The following IPO5 variants were observed in gnomAD, a reference collection of about 807,000 sequenced individuals.
The protein encoded by IPO5 is importin 5.
In IPO5, 18 loss-of-function variants were observed where a neutral mutation model predicts 143.3. That is an observed-to-expected ratio of 0.13 (90% CI 0.09 to 0.19). The LOEUF (loss-of-function observed/expected upper bound fraction) is 0.19. IPO5 is among the 10% of genes least tolerant of loss of function. The pLI is 1.00. For synonymous variants in IPO5, 477 were observed against 465.7 expected (o/e 1.02, Z -0.31); for missense variants, 1,013 against 1,336.9 (o/e 0.76, Z 3.78).
At chr13:97,966,738 C>T (rs1336775807) in intron 2 of IPO5, among the ~76,000 whole-genome samples, 1 of 152,044 alleles carries the variant, frequency 6.6e-6, no homozygotes, top group Admixed American at 6.6e-5. Flanking sequence ...TTCTTTGTGA[C>T]TTTTAAAATT....
At position 98,018,578 on chromosome 13, in the gene IPO5, G is replaced by A; in HGVS notation, c.2710G>A (p.Glu904Lys). ...TAGTCCAGCCTCATTTAAATACGCA[G>A]AATATTTCTTAAGACCAATGCTCCA... ...HCSPASFKYA[E>K]YFLRPMLQYV... Residue 904 changes from glutamate (E) to lysine (K), a missense_variant, in exon 26 of 29, where the codon GAA becomes AAA. Physicochemically the swap from Glu to Lys is moderately conservative, Grantham distance 56. Around this residue, in one of 2 missense-constraint regions of IPO5, gnomAD observed 685 missense variants for 994.9 expected, o/e 0.69. Transcript: ENST00000651721. 1 of 1,614,070 alleles carries A rather than the reference G, an allele frequency of 6.2e-7. No homozygotes were observed. The highest frequency in any genetic ancestry group is 2.2e-5 in the East Asian group (1 of 44,882).
At chr13:97,969,213 G>C (rs1196644633) in intron 2 of IPO5, among the ~76,000 whole-genome samples, 14 of 98,882 alleles carry the variant, frequency 1.4e-4, no homozygotes, top group Non-Finnish European at 3.6e-5. Context: ...ACGTAGTCTC[G>C]CTCTGTCACC....
chr13:98,010,532 T>G (rs1328168833), intron 20 of IPO5, among the ~76,000 whole-genome samples: 1 of 152,056 alleles, frequency 6.6e-6, no homozygotes, highest in Non-Finnish European at 1.5e-5. Flanking sequence ...TTTTTGTTGG[T>G]TTTGTTCTTA....
At chr13:97,965,041 G>A (rs1885207282) in intron 2 of IPO5, among the ~76,000 whole-genome samples, 2 of 152,074 alleles carry the variant, frequency 1.3e-5, no homozygotes, top group African/African-American at 4.8e-5. Context: ...TCCTTTGCAG[G>A]GACATGGATG....
intron 3 of IPO5, among the ~76,000 whole-genome samples, chr13:97,972,692 G>T (rs1594033845): frequency 6.6e-6 from 1 of 152,090 alleles, no homozygotes; most frequent in South Asian, 2.1e-4. Context: ...TTTTGTTTTT[G>T]TTTTTTTATT....
intron 22 of IPO5, among the ~76,000 whole-genome samples, chr13:98,015,196 G>C (rs1304719953): frequency 1.3e-5 from 2 of 151,370 alleles, no homozygotes; most frequent in East Asian, 3.9e-4. Flanking sequence ...CTTGTATGTT[G>C]TGTGTACGGA....
chr13:97,994,899 G>A (rs1270272834), intron 11 of IPO5, among the ~76,000 whole-genome samples: 1 of 152,140 alleles, frequency 6.6e-6, no homozygotes, highest in Admixed American at 6.5e-5. Flanking sequence ...GCCAAGGTGG[G>A]TAAATTATGT....
At chr13:98,007,214 C>T (rs1165566627) in intron 17 of IPO5, 3 of 152,264 alleles carry the variant, frequency 2.0e-5, no homozygotes, top group South Asian at 2.1e-4. Context: ...CCTCCTTTCC[C>T]CACCACACAC....
intron 5 of IPO5, 67 bp downstream of exon 5, chr13:97,982,650 G>A: frequency 2.0e-6 from 2 of 991,150 alleles, no homozygotes; most frequent in Non-Finnish European, 3.1e-6. Flanking sequence ...GATCATAGTA[G>A]AAATTAGAGA....
rs769611314 is a variant in IPO5, at chr13:98,021,759, G to A, written c.3231G>A (p.Glu1077=). The A allele has an allele frequency of 1.3e-6, 2 of 1,579,508 alleles. No homozygotes were observed. Among genetic ancestry groups the A allele is most frequent in the Non-Finnish European group, 1.7e-6 (2 of 1,154,552 alleles). The part of the protein sequence containing the change: ...QVQTSGGLWT[E]CIAQLSPEQQ... The stretch of plus-strand genomic sequence containing the variant: ...AGACTTCTGGAGGACTGTGGACTGA[G>A]TGCATAGCACAGCTCAGTCCTGAGC... Residue 1077 remains glutamate (E), a synonymous_variant, in exon 29 of 29, where the codon GAG becomes GAA. Transcript: ENST00000651721.
At position 98,006,356 on chromosome 13, in the gene IPO5, ATTTTTTTTTTTTTTT is replaced by A. The variant is rs568589408; in HGVS notation, c.1716+30_1716+44del. ...GCTGTTGGGAAGGAAAAAGTAAGTA[ATTTTTTTTTTTTTTT>A]TTTTTTTTTTTTTTTTTTTTTGAGA... On this transcript the variant is annotated intron_variant, in intron 17 of 28. Coordinates refer to ENST00000651721, the MANE Select transcript of IPO5 (RefSeq NM_002271.6). 8.5e-3 allele frequency: 4,724 copies of A among 555,936 alleles called. 75 individuals are homozygous for A. The highest frequency in any genetic ancestry group is 0.051 in the East Asian group (1,069 of 21,158). 34.4% of individuals were successfully genotyped at this position (555,936 alleles called of 1,614,324 possible). A position where few individuals can be genotyped will look rare whatever the true frequency, so the allele number is the denominator to read the frequency against.
chr13:97,990,265 C>A, intron 8 of IPO5, 43 bp downstream of exon 8: 3 of 1,404,450 alleles, frequency 2.1e-6, no homozygotes, highest in South Asian at 2.4e-5. Context: ...CTATTTTAAT[C>A]TAATTTGCGA....
chr13:98,015,699 T>C (rs748295683), intron 23 of IPO5, 27 bp from the exon 24 acceptor site: 6 of 1,600,798 alleles, frequency 3.7e-6, no homozygotes, highest in Non-Finnish European at 4.3e-6. Flanking sequence ...GGCAATCATT[T>C]AAAACATTTA....
rs1159992221 is a variant in IPO5, at chr13:98,002,774, G to GT, written c.1323+2dup. ...TTTCCAAAAGAAATTTCATGAGAAG[G>GT]TAAGTAACAAGTCCTCAAACACTTA... On this transcript the variant is annotated splice_donor_variant, in intron 15 of 28. Coordinates refer to ENST00000651721, the MANE Select transcript of IPO5 (RefSeq NM_002271.6). LOFTEE classifies it high-confidence loss of function. 1 of 1,608,666 alleles carries GT rather than the reference G, an allele frequency of 6.2e-7. No individual in the cohort carries two copies. The highest frequency in any genetic ancestry group is 8.5e-7 in the Non-Finnish European group (1 of 1,177,926).
intron 20 of IPO5, among the ~76,000 whole-genome samples, chr13:98,012,002 A>G (rs982287146): frequency 5.3e-5 from 8 of 152,072 alleles, no homozygotes; most frequent in Non-Finnish European, 1.2e-4. Flanking sequence ...AAGGGACAAT[A>G]TATACGACAA....
rs200549137 is a variant in IPO5, at chr13:97,988,021, T to C, written c.365-1041T>C. 1.7e-5 allele frequency: 5 copies of C among 298,956 alleles called. No homozygotes were observed. In the East Asian group the frequency reaches 3.4e-4, roughly 21 times the overall value. 18.5% of individuals were successfully genotyped at this position (298,956 alleles called of 1,614,324 possible). On this transcript the variant is annotated intron_variant, in intron 6 of 28. Transcript: ENST00000651721. ...CTTTAGGTTGAAGAAACATTTAATG[T>C]CAGCTTAGCAGCACAATTGTCATTT...
chr13:98,019,737 C>G lies in IPO5; in HGVS notation c.2993C>G (p.Ser998Cys). ...GAAGAGGTCCTTCCACACTGGTTGT[C>G]TTGGCTTCCACTACATGAAGATAAA... ...NVEEVLPHWL[S>C]WLPLHEDKEE... Residue 998 changes from serine to cysteine, a missense_variant, in exon 27 of 29, where the codon TCT becomes TGT. By Grantham distance (112) the Ser-to-Cys change is moderately radical. This residue lies in a region of IPO5 where 685 missense variants were observed against 994.9 expected (regional missense o/e 0.69). Coordinates refer to ENST00000651721, the MANE Select transcript of IPO5 (RefSeq NM_002271.6). 1 of 1,614,072 alleles carries G rather than the reference C, an allele frequency of 6.2e-7. No individual in the cohort carries two copies. Among genetic ancestry groups the G allele is most frequent in the Non-Finnish European group, 8.5e-7 (1 of 1,179,932 alleles).
intron 3 of IPO5, chr13:97,976,379 T>C (rs1274688193): frequency 1.3e-5 from 2 of 151,482 alleles, no homozygotes; most frequent in Non-Finnish European, 2.9e-5. Context: ...CGGCCCCCGA[T>C]GCGCGGCCAC....
intron 5 of IPO5, among the ~76,000 whole-genome samples, chr13:97,984,283 TA>T (rs1343483633): frequency 1.3e-5 from 2 of 152,180 alleles, no homozygotes; most frequent in Non-Finnish European, 2.9e-5. Flanking sequence ...CGGCCTAGGG[TA>T]ACTTCTATCA....
Sources: gnomAD v4.1 joint callset for allele counts (sites outside exome capture counted in the v4.1 genomes callset) on GRCh38, gnomAD v4.1.1 for gene constraint, gnomAD v4.1.1 regional missense constraint, MANE v1.5 for transcripts, NCBI Gene and HGNC (gene_info 2026-07-23, HGNC 2026-07-21) for gene names.